EXD2: variants seen among roughly 807,000 people sequenced by gnomAD.
The protein encoded by EXD2 is exonuclease 3'-5' domain containing 2, also known as exonuclease 3'-5' domain-containing protein 2.
A neutral mutation model predicts 62.5 loss-of-function variants in EXD2; 40 were observed. The ratio of observed to expected loss-of-function variants is 0.64; its 90% CI spans 0.50 to 0.83. The LOEUF is 0.83. EXD2 is among the 40% of genes least tolerant of loss of function. The probability of loss-of-function intolerance (pLI) is 0.00; values close to 1 mark genes in which losing one functional copy is unlikely to be tolerated. For missense variants in EXD2, 671 were observed against 761.8 expected, an observed-to-expected ratio of 0.88 and a Z score of 1.40; for synonymous variants, 239 against 291.9, an observed-to-expected ratio of 0.82 and a Z score of 1.85.
chr14:69,203,696 G>A (rs995486429), intron 1 of EXD2, among the ~76,000 whole-genome samples: 9 of 152,196 alleles, frequency 5.9e-5, no homozygotes, highest in African/African-American at 2.2e-4. Flanking sequence ...GATCTGTTGG[G>A]ATTATCATGG....
At chr14:69,237,523 T>C (rs377282124) in intron 8 of EXD2, 52 bp from the exon 9 acceptor site, 56 of 1,556,694 alleles carry the variant, frequency 3.6e-5, no homozygotes, top group Non-Finnish European at 4.5e-5. Flanking sequence ...TGTCTTCCCA[T>C]GTGCTCTGTC....
chr14:69,214,363 T>C (rs2140252158), intron 3 of EXD2, among the ~76,000 whole-genome samples: 1 of 152,296 alleles, frequency 6.6e-6, no homozygotes, highest in Admixed American at 6.5e-5. Context: ...CTTTCTTCTT[T>C]CTTGCTGGAA....
In EXD2 at chr14:69,233,427, A is replaced by T. The variant is rs542580987; in HGVS notation, c.718-1273A>T. Among the ~76,000 whole-genome samples the T allele has an allele frequency of 2.8e-3, 422 of 151,418 alleles. 3 individuals are homozygous for T. Among genetic ancestry groups the T allele is most frequent in the South Asian group, 5.2e-3 (25 of 4,816 alleles). On this transcript the variant is annotated intron_variant, in intron 5 of 9. Transcript: ENST00000685843. ...TTTTTTTTTTAAATTTAATTTAATT[A>T]ATTTATTTATTTATTTTGAGATGGA...
chr14:69,204,224 C>T (rs565919231), intron 2 of EXD2, among the ~76,000 whole-genome samples: 3 of 152,202 alleles, frequency 2.0e-5, no homozygotes, highest in East Asian at 1.9e-4. Context: ...TGTACATATT[C>T]GTATAAAATT....
At chr14:69,197,592 C>T (rs2042250266) in intron 1 of EXD2, among the ~76,000 whole-genome samples, 1 of 152,098 alleles carries the variant, frequency 6.6e-6, no homozygotes, top group African/African-American at 2.4e-5. Flanking sequence ...CTTCCCCTCC[C>T]CTCTGGTAGT....
intron 1 of EXD2, among the ~76,000 whole-genome samples, chr14:69,192,528 T>C (rs547103733): frequency 6.6e-6 from 1 of 152,250 alleles, no homozygotes; most frequent in South Asian, 2.1e-4. Flanking sequence ...TTGATGTTCT[T>C]GGTGGTGAGG....
rs1047870663 is a variant in EXD2, at chr14:69,235,919, T to C, written c.1050-127T>C. ...ATGGTTTCTCACTCTGTTTTTTCCATAGTGGTGTGTTTGACCTTAGTGTTG... is the reference window on the plus strand; with the variant it reads ...ATGGTTTCTCACTCTGTTTTTTCCACAGTGGTGTGTTTGACCTTAGTGTTG... On this transcript the variant is annotated intron_variant, in intron 6 of 9. Coordinates refer to ENST00000685843, the MANE Select transcript of EXD2 (RefSeq NM_001193360.2). 28 of 771,770 alleles carry C rather than the reference T, an allele frequency of 3.6e-5. 2 individuals are homozygous for C. In the Admixed American group the frequency reaches 3.8e-4, roughly 11 times the overall value. 47.8% of individuals were successfully genotyped at this position (771,770 alleles called of 1,614,324 possible). A position where few individuals can be genotyped will look rare whatever the true frequency, so the allele number is the denominator to read the frequency against.
At chr14:69,225,211 C>T (rs552216517) in intron 3 of EXD2, among the ~76,000 whole-genome samples, 20 of 152,306 alleles carry the variant, frequency 1.3e-4, no homozygotes, top group African/African-American at 4.3e-4. Context: ...ACTAGGGGTG[C>T]TCATTAGTTA....
At chr14:69,213,086 T>TC (rs2042869734) in intron 3 of EXD2, among the ~76,000 whole-genome samples, 1 of 146,410 alleles carries the variant, frequency 6.8e-6, no homozygotes, top group Non-Finnish European at 1.5e-5. Flanking sequence ...CTTCTTTTCT[T>TC]TTTTTTTTTT....
chr14:69,209,360 A>C (rs1331459171), intron 2 of EXD2, 64 bp from the exon 3 acceptor site: 1 of 892,030 alleles, frequency 1.1e-6, no homozygotes, highest in East Asian at 3.0e-5. Context: ...TTTTTAGAGG[A>C]AAACTTGTTT....
chr14:69,210,127 T>TA (rs1299251878), intron 3 of EXD2: 3 of 189,096 alleles, frequency 1.6e-5, no homozygotes, highest in African/African-American at 7.0e-5. Flanking sequence ...TCATGGTACC[T>TA]ACCTCCAGTG....
chr14:69,235,032 G>A lies in EXD2; in HGVS notation c.1049+1G>A. The stretch of plus-strand genomic sequence containing the variant: ...CTCTGGGGGTGGGCTATTCTGCCAG[G>A]TAACTGAATCACTCCCTGTCTAGTA... On this transcript the variant is annotated splice_donor_variant, in intron 6 of 9. Transcript: ENST00000685843. LOFTEE classifies it high-confidence loss of function. The A allele has an allele frequency of 6.3e-7, 1 of 1,580,202 alleles. No homozygotes were observed.
intron 3 of EXD2, among the ~76,000 whole-genome samples, chr14:69,220,660 G>A (rs2043154577): frequency 6.6e-6 from 1 of 150,514 alleles, no homozygotes; most frequent in Non-Finnish European, 1.5e-5. Flanking sequence ...CATGAAGTCA[G>A]GAGTTCGAGA....
In EXD2 at chr14:69,194,989, C is replaced by T. The variant is rs141978589; in HGVS notation, c.-132+3398C>T. ...ATCCCAGCACTTTGGGTGGTTGAGA[C>T]GGGCGGATCACCAGGTCAAGAGTTT... On this transcript the variant is annotated intron_variant, in intron 1 of 9. Coordinates refer to ENST00000685843, the MANE Select transcript of EXD2 (RefSeq NM_001193360.2). Among the ~76,000 whole-genome samples, 755 of 152,196 alleles carry T rather than the reference C, an allele frequency of 5.0e-3. 1 individual carries two copies. Among genetic ancestry groups the T allele is most frequent in the African/African-American group, 0.014 (595 of 41,542 alleles).
chr14:69,226,535 G>A (rs2043368816), intron 3 of EXD2, among the ~76,000 whole-genome samples: 1 of 152,148 alleles, frequency 6.6e-6, no homozygotes, highest in Non-Finnish European at 1.5e-5. Context: ...ATCATTTGAG[G>A]TCAGGAGTTT....
intron 1 of EXD2, among the ~76,000 whole-genome samples, chr14:69,202,940 C>G (rs1238098879): frequency 6.6e-6 from 1 of 152,168 alleles, no homozygotes; most frequent in African/African-American, 2.4e-5. Context: ...TTATATGACC[C>G]AACAATGAGA....
chr14:69,225,269 T>C (rs529095980), intron 3 of EXD2, among the ~76,000 whole-genome samples: 2 of 152,230 alleles, frequency 1.3e-5, no homozygotes, highest in Non-Finnish European at 1.5e-5. Context: ...TTACTCTCTG[T>C]AGCCTTCATG....
chr14:69,218,714 G>T, intron 3 of EXD2, among the ~76,000 whole-genome samples: 1 of 152,098 alleles, frequency 6.6e-6, no homozygotes, highest in Non-Finnish European at 1.5e-5. Context: ...TCCAGTTTCA[G>T]CTTTCTAGAT....
chr14:69,229,011 C>T lies in EXD2; in HGVS notation c.529C>T (p.Gln177Ter). 1.9e-6 allele frequency: 3 copies of T among 1,614,186 alleles called. No homozygotes were observed. Among genetic ancestry groups the T allele is most frequent in the Non-Finnish European group, 2.5e-6 (3 of 1,180,032 alleles). Residue 177 changes from glutamine to a stop codon, truncating the protein, a stop_gained, in exon 4 of 10, where the codon CAG becomes TAG. Transcript: ENST00000685843. LOFTEE classifies it high-confidence loss of function. ...GCSEDASKLLQDYGLVVRGCL... is the reference protein window; with the variant it reads ...GCSEDASKLL ...CTCAGAAGATGCCAGCAAGCTTCTG[C>T]AGGATTATGGCCTCGTTGTTAGGGG...
Sources: allele counts gnomAD v4.1 joint callset (sites outside exome capture counted in the v4.1 genomes callset), GRCh38; gene constraint gnomAD v4.1.1; transcripts MANE v1.5; gene names NCBI Gene and HGNC (gene_info 2026-07-23, HGNC 2026-07-21).